MYOM1: variants seen among roughly 807,000 people sequenced by gnomAD.
MYOM1 encodes myomesin 1, also known as myomesin-1.
Under a neutral mutation model 205.3 loss-of-function variants are expected in MYOM1, and 164 were observed. That is an observed-to-expected ratio of 0.80 (90% CI 0.70 to 0.91). The LOEUF is 0.91. Among genes scored for constraint, MYOM1 ranks in the 40% least tolerant of loss-of-function variants. The pLI is 0.00. For synonymous variants in MYOM1, 772 were observed against 789.4 expected, an observed-to-expected ratio of 0.98 and a Z score of 0.37; for missense variants, 2,011 against 2,127.3, an observed-to-expected ratio of 0.95 and a Z score of 1.08.
chr18:3,216,507 A>G (rs2081269250), intron 1 of MYOM1, among the ~76,000 whole-genome samples: 2 of 152,222 alleles, frequency 1.3e-5, no homozygotes, highest in Non-Finnish European at 2.9e-5. Context: ...GTAACATCTG[A>G]GCATGAGACT....
At chr18:3,181,128 T>C (rs754538056) in intron 5 of MYOM1, among the ~76,000 whole-genome samples, 1 of 152,204 alleles carries the variant, frequency 6.6e-6, no homozygotes, top group Admixed American at 6.5e-5. Flanking sequence ...GCTTTCACCA[T>C]GTTGGCCAGG....
At chr18:3,143,793 T>C (rs2080083957) in intron 13 of MYOM1, among the ~76,000 whole-genome samples, 1 of 145,402 alleles carries the variant, frequency 6.9e-6, no homozygotes, top group East Asian at 2.0e-4. Flanking sequence ...CCCAGCTACT[T>C]GGGAGGCTGA....
At chr18:3,102,772 G>A in intron 22 of MYOM1, 142 bp from the exon 23 acceptor site, 1 of 773,878 alleles carries the variant, frequency 1.3e-6, no homozygotes, top group Non-Finnish European at 2.1e-6. Context: ...TCATGCAGGT[G>A]GACAGTCCTA....
intron 29 of MYOM1, among the ~76,000 whole-genome samples, chr18:3,087,980 G>A (rs2079175004): frequency 6.6e-6 from 1 of 152,216 alleles, no homozygotes; most frequent in Non-Finnish European, 1.5e-5. Context: ...GAGGAAGCGG[G>A]AGGCCTTCTA....
In MYOM1 at chr18:3,135,712, T is replaced by A. The variant is rs2143911806; in HGVS notation, c.2044A>T (p.Asn682Tyr). 6.2e-7 allele frequency: 1 copy of A among 1,613,844 alleles called. No individual in the cohort carries two copies. The highest frequency in any genetic ancestry group is 1.1e-5 in the South Asian group (1 of 91,078). ...FVEKCEAGTE[N>Y]WQRVNTELPV... ...AGCTCCGTGTTCACTCGCTGCCAGT[T>A]TTCTGTTCCTGCCTCACACTGCAGC... Residue 682 changes from asparagine (N) to tyrosine (Y), a missense_variant, in exon 15 of 38, where the codon AAC (asparagine) becomes TAC (tyrosine). Transcript: ENST00000356443. The surrounding 1 kb of genome is among the most constrained non-coding windows in gnomAD (Gnocchi z 4.1).
chr18:3,226,654 T>G, the MYOM1 span, among the ~76,000 whole-genome samples: 1 of 152,182 alleles, frequency 6.6e-6, no homozygotes, highest in South Asian at 2.1e-4. This position sits in a 1 kb window ranked among gnomAD's most constrained non-coding sequence, Gnocchi z 4.6. Flanking sequence ...TGGGAAGTTT[T>G]TCGTGTGGTA....
chr18:3,067,116 T>C lies in MYOM1; in HGVS notation c.*146A>G. 1 of 876,768 alleles carries C rather than the reference T, an allele frequency of 1.1e-6. No homozygotes were observed. The highest frequency in any genetic ancestry group is 1.7e-6 in the Non-Finnish European group (1 of 588,706). 54.3% of individuals were successfully genotyped at this position (876,768 alleles called of 1,614,324 possible). A position where few individuals can be genotyped will look rare whatever the true frequency, so the allele number is the denominator to read the frequency against. The stretch of plus-strand genomic sequence containing the variant: ...CAATTAAAGTGTCATTAGTTGGTGC[T>C]TTTTTATATGAGTGAAAGACCTGAC... On this transcript the variant is annotated 3_prime_UTR_variant, in exon 38 of 38. Transcript: ENST00000356443.
In MYOM1 at chr18:3,126,694, T is replaced by C; in HGVS notation, c.2991+7A>G. ...ACACGCCACACTACAGAAAGTCACG[T>C]GCTTACCTTGTATGCCTCCTCACTG... On this transcript the variant is annotated splice_region_variant and intron_variant, in intron 19 of 37. Coordinates refer to ENST00000356443, the MANE Select transcript of MYOM1 (RefSeq NM_003803.4). 6.2e-7 allele frequency: 1 copy of C among 1,609,750 alleles called. No individual in the cohort carries two copies. Among genetic ancestry groups the C allele is most frequent in the Middle Eastern group, 1.7e-4 (1 of 6,052 alleles).
the MYOM1 span, among the ~76,000 whole-genome samples, chr18:3,243,558 C>A: frequency 1.3e-5 from 2 of 152,266 alleles, no homozygotes; most frequent in East Asian, 1.9e-4. Flanking sequence ...TGCACTTGAA[C>A]AATTGACCAG....
Position 3,129,434 on chromosome 18 carries a change from G to C in MYOM1, c.2592C>G (p.Ala864=), listed in dbSNP as rs1313167548. ...CATCTTTCTGGAAGGTTGGCGGGGA[G>C]GCTTCATGCACGCGCCCCCTGGAGG... ...LTASRGRVHE[A]SPPTFQKDAL... The change falls in exon 18 of 38, where the codon GCC becomes GCG. Residue 864 remains alanine, a synonymous_variant. Coordinates refer to ENST00000356443, the MANE Select transcript of MYOM1 (RefSeq NM_003803.4). 1 of 1,613,850 alleles carries C rather than the reference G, an allele frequency of 6.2e-7. No individual in the cohort carries two copies. Among genetic ancestry groups the C allele is most frequent in the East Asian group, 2.2e-5 (1 of 44,892 alleles).
chr18:3,085,994 G>A (rs1163597652), intron 30 of MYOM1, 44 bp downstream of exon 30: 1 of 1,238,670 alleles, frequency 8.1e-7, no homozygotes, highest in South Asian at 1.2e-5. Context: ...TAAGATAGAG[G>A]GTAGAGAGCT....
chr18:3,112,382 C>T lies in MYOM1; in HGVS notation c.3334G>A (p.Val1112Met), dbSNP rs200102315. The change falls in exon 22 of 38, where the codon GTG becomes ATG. Residue 1112 changes from valine (V) to methionine (M), a missense_variant. Transcript: ENST00000356443. ...VRGLKEGVSY[V>M]FRVRAINQAG... ...TGGTTTATGGCTCGAACACGGAACA[C>T]GTAGCTGACGCCCTCCTTGAGGCCT... The T allele has an allele frequency of 1.6e-5, 25 of 1,610,344 alleles. No individual in the cohort carries two copies. The highest frequency in any genetic ancestry group is 3.3e-5 in the Admixed American group (2 of 59,746).
At chr18:3,211,068 C>T (rs1221969743) in intron 2 of MYOM1, among the ~76,000 whole-genome samples, 5 of 152,202 alleles carry the variant, frequency 3.3e-5, no homozygotes, top group Non-Finnish European at 1.5e-5. Flanking sequence ...ATCCCACAAC[C>T]TAAGAAACCT....
At chr18:3,118,984 A>T (rs1239177712) in intron 20 of MYOM1, among the ~76,000 whole-genome samples, 1 of 152,228 alleles carries the variant, frequency 6.6e-6, no homozygotes, top group South Asian at 2.1e-4. Context: ...GGCACCAGGG[A>T]CATAAAATCA....
chr18:3,164,661 G>A lies in MYOM1; in HGVS notation c.1340-222C>T, dbSNP rs9946451. ...CAGACACATAATCCGCAGGGGCCTC[G>A]TGTAAAATTACATTACAAGGCCCCT... On this transcript the variant is annotated intron_variant, in intron 9 of 37. Coordinates refer to ENST00000356443, the MANE Select transcript of MYOM1 (RefSeq NM_003803.4). Among the ~76,000 whole-genome samples the A allele has an allele frequency of 0.43, 65,554 of 151,928 alleles. 16,138 individuals are homozygous for A. The highest frequency in any genetic ancestry group is 0.68 in the African/African-American group (28,083 of 41,444).
chr18:3,220,438 C>T (rs1273108957), upstream of MYOM1, among the ~76,000 whole-genome samples: 3 of 152,182 alleles, frequency 2.0e-5, no homozygotes, highest in African/African-American at 4.8e-5. Flanking sequence ...ACATCACGGT[C>T]ACTATTTCTC....
At chr18:3,082,237 T>G (rs1469020260) in intron 33 of MYOM1, among the ~76,000 whole-genome samples, 1 of 152,166 alleles carries the variant, frequency 6.6e-6, no homozygotes, top group Admixed American at 6.5e-5. Context: ...TACCGGTCCA[T>G]GGCCTGGGGT....
intron 33 of MYOM1, among the ~76,000 whole-genome samples, chr18:3,081,602 T>C (rs1348303870): frequency 2.0e-5 from 3 of 152,236 alleles, no homozygotes; most frequent in Admixed American, 1.3e-4. Flanking sequence ...AGCTTTTTGA[T>C]TGATGATTCA....
chr18:3,094,350 A>T, intron 25 of MYOM1, 44 bp from the exon 26 acceptor site: 1 of 1,421,096 alleles, frequency 7.0e-7, no homozygotes, highest in South Asian at 1.3e-5. Context: ...TTGGTAACCA[A>T]TTATATTGGT....
Sources: allele counts gnomAD v4.1 joint callset (sites outside exome capture counted in the v4.1 genomes callset), GRCh38; gene constraint gnomAD v4.1.1; non-coding constraint Gnocchi (gnomAD v3.1); transcripts MANE v1.5; gene names NCBI Gene and HGNC (gene_info 2026-07-23, HGNC 2026-07-21).